The following FAM221B variants were observed in gnomAD, a reference collection of about 807,000 sequenced individuals.
The protein encoded by FAM221B is protein FAM221B.
Under a neutral mutation model 39.8 loss-of-function variants are expected in FAM221B, and 35 were observed. That is an observed-to-expected ratio of 0.88 (90% CI 0.67 to 1.17). The LOEUF is 1.17. FAM221B is among the 50% of genes most tolerant of loss of function. FAM221B has a pLI of 0.00. For synonymous variants in FAM221B, 158 were observed against 178.1 expected (o/e 0.89, Z 0.90); for missense variants, 479 against 503.1 (o/e 0.95, Z 0.46).
At chr9:35,821,346 A>T (rs1054671628) in intron 3 of FAM221B, 1 of 939,680 alleles carries the variant, frequency 1.1e-6, no homozygotes, top group Non-Finnish European at 1.5e-6. Flanking sequence ...GTTCCATAAC[A>T]TGAATAAGGA....
At chr9:35,818,791 C>T in intron 6 of FAM221B, 99 bp downstream of exon 6, 1 of 1,495,960 alleles carries the variant, frequency 6.7e-7, no homozygotes, top group South Asian at 1.3e-5. Flanking sequence ...AGGGAGCGCG[C>T]TAGTCCTGGA....
Position 35,818,458 on chromosome 9 carries a change from C to G in FAM221B, c.*11G>C. ...CAATGACTCCTCTTTTATTGCTGATCTGGGCCAGACTCACAAAGGCCTGTG... is the reference window on the plus strand; with the variant it reads ...CAATGACTCCTCTTTTATTGCTGATGTGGGCCAGACTCACAAAGGCCTGTG... On this transcript the variant is annotated 3_prime_UTR_variant, in exon 7 of 7. Coordinates refer to ENST00000423537, the MANE Select transcript of FAM221B (RefSeq NM_001012446.4). The G allele has an allele frequency of 7.1e-6, 11 of 1,551,710 alleles. No homozygotes were observed. Among genetic ancestry groups the G allele is most frequent in the Non-Finnish European group, 9.6e-6 (11 of 1,146,960 alleles).
At chr9:35,821,101 T>C (rs1028458412) in intron 3 of FAM221B, among the ~76,000 whole-genome samples, 1 of 152,242 alleles carries the variant, frequency 6.6e-6, no homozygotes, top group African/African-American at 2.4e-5. Flanking sequence ...CCTATTGCCA[T>C]CCATAGCTCC....
rs967746790 is a variant in FAM221B, at chr9:35,817,207, C to T, written c.*1262G>A. 3 of 152,200 alleles carry T rather than the reference C, an allele frequency of 2.0e-5. No individual in the cohort carries two copies. Among genetic ancestry groups the T allele is most frequent in the Non-Finnish European group, 4.4e-5 (3 of 68,062 alleles). 9.4% of individuals were successfully genotyped at this position (152,200 alleles called of 1,614,324 possible). A position where few individuals can be genotyped will look rare whatever the true frequency, so the allele number is the denominator to read the frequency against. On this transcript the variant is annotated 3_prime_UTR_variant, in exon 7 of 7. Coordinates refer to ENST00000423537, the MANE Select transcript of FAM221B (RefSeq NM_001012446.4). ...GAACCTATGGACTCCCTTGTGACTTCCCACATTCACTGATTTTGATCCTTG... is the reference window on the plus strand; with the variant it reads ...GAACCTATGGACTCCCTTGTGACTTTCCACATTCACTGATTTTGATCCTTG...
At position 35,817,450 on chromosome 9, in the gene FAM221B, A is replaced by T. The variant is rs770860960; in HGVS notation, c.*1019T>A. 6.6e-6 allele frequency: 1 copy of T among 152,148 alleles called. No homozygotes were observed. Among genetic ancestry groups the T allele is most frequent in the African/African-American group, 2.4e-5 (1 of 41,348 alleles). The allele number at this position is 152,148 out of a possible 1,614,324, so 9.4% of individuals were successfully genotyped here. ...CACTTTCTTTCCCTATTGGTGCTGTATGCTCCCTTCACATCCTCATGCCTT... is the reference window on the plus strand; with the variant it reads ...CACTTTCTTTCCCTATTGGTGCTGTTTGCTCCCTTCACATCCTCATGCCTT... On this transcript the variant is annotated 3_prime_UTR_variant, in exon 7 of 7. Coordinates refer to ENST00000423537, the MANE Select transcript of FAM221B (RefSeq NM_001012446.4).
chr9:35,824,287 T>C (rs1829236108), intron 3 of FAM221B, among the ~76,000 whole-genome samples: 2 of 152,190 alleles, frequency 1.3e-5, no homozygotes, highest in African/African-American at 4.8e-5. Context: ...GTAATCCCTA[T>C]AGACATGAAT....
intron 3 of FAM221B, among the ~76,000 whole-genome samples, chr9:35,820,295 G>C (rs893820119): frequency 1.7e-4 from 26 of 152,194 alleles, no homozygotes; most frequent in African/African-American, 6.3e-4. Context: ...GAAGATTATA[G>C]ATGAAATTTT....
rs1478633152 is a variant in FAM221B at position 35,816,634 on chromosome 9, AT to A, written c.*1834del. On this transcript the variant is annotated 3_prime_UTR_variant, in exon 7 of 7. Transcript: ENST00000423537. ...AGTAATCCTAACTCTATTGTTGACT[AT>A]TAGTTGAATTAGTTTTAGGTGAATG... 1.3e-5 allele frequency: 2 copies of A among 152,174 alleles called. No homozygotes were observed. Among genetic ancestry groups the A allele is most frequent in the Non-Finnish European group, 2.9e-5 (2 of 68,022 alleles). The allele number at this position is 152,174 out of a possible 1,614,324, so 9.4% of individuals were successfully genotyped here. A position where few individuals can be genotyped will look rare whatever the true frequency, so the allele number is the denominator to read the frequency against.
intron 3 of FAM221B, among the ~76,000 whole-genome samples, chr9:35,821,114 G>A (rs1008455117): frequency 3.9e-5 from 6 of 152,198 alleles, no homozygotes; most frequent in Non-Finnish European, 8.8e-5. Context: ...ATAGCTCCTT[G>A]TGCTACTCCT....
intron 3 of FAM221B, chr9:35,821,722 G>C: frequency 1.3e-6 from 1 of 783,274 alleles, no homozygotes; most frequent in Non-Finnish European, 1.9e-6. Flanking sequence ...CCAAGCACTA[G>C]TGTAGGAATC....
chr9:35,818,512 G>T lies in FAM221B; in HGVS notation c.1172-6C>A. 1 of 1,551,692 alleles carries T rather than the reference G, an allele frequency of 6.4e-7. No individual in the cohort carries two copies. Among genetic ancestry groups the T allele is most frequent in the Non-Finnish European group, 8.7e-7 (1 of 1,146,986 alleles). The stretch of plus-strand genomic sequence containing the variant: ...GTTGCTGACAGTGTCTGTCCCTGGA[G>T]GAAGAAAGAGCAGAGGTGAAAGGGT... On this transcript the variant is annotated splice_polypyrimidine_tract_variant and splice_region_variant and intron_variant, in intron 6 of 6. Transcript: ENST00000423537.
Position 35,825,563 on chromosome 9 carries a change from C to T in FAM221B, c.598+1G>A. ...AACTCCTTTCTTCTTCTTCTTCTTG[C>T]CTAGTTGGTGTCCAGGTTGGGCTGT... is the stretch of plus-strand genomic sequence containing the variant. On this transcript the variant is annotated splice_donor_variant, in intron 2 of 6. Transcript: ENST00000423537. LOFTEE classifies it high-confidence loss of function. This position sits in a 1 kb window ranked among gnomAD's most constrained non-coding sequence, Gnocchi z 4.2. The T allele has an allele frequency of 6.2e-7, 1 of 1,607,740 alleles. No homozygotes were observed. The highest frequency in any genetic ancestry group is 8.5e-7 in the Non-Finnish European group (1 of 1,176,706).
In FAM221B at chr9:35,818,323, TG is replaced by T; in HGVS notation, c.*145del. ...TGAATGTGAGTGTGATGGAGGCAGA[TG>T]GCCAGATCCAGGCTTTCTCCTGTGT... is the stretch of plus-strand genomic sequence containing the variant. On this transcript the variant is annotated 3_prime_UTR_variant, in exon 7 of 7. Transcript: ENST00000423537. 1.4e-6 allele frequency: 1 copy of T among 736,594 alleles called. No homozygotes were observed. The highest frequency in any genetic ancestry group is 2.3e-6 in the Non-Finnish European group (1 of 434,346). 45.6% of individuals were successfully genotyped at this position (736,594 alleles called of 1,614,324 possible). A position where few individuals can be genotyped will look rare whatever the true frequency, so the allele number is the denominator to read the frequency against.
Position 35,825,584 on chromosome 9 carries a change from G to T in FAM221B, c.578C>A (p.Ala193Asp). ...CTTGCCTAGTTGGTGTCCAGGTTGG[G>T]CTGTGTGAGCAGTGCTGTCACTGGC... Reference protein sequence around the residue: ...VDASDSTAHTAQPGHQLGNTA... With the variant: ...VDASDSTAHTDQPGHQLGNTA... Residue 193 changes from alanine (A) to aspartate (D), a missense_variant, in exon 2 of 7, where the codon GCC becomes GAC. By Grantham distance (126) the Ala-to-Asp change is moderately radical (BLOSUM62 -2). Coordinates refer to ENST00000423537, the MANE Select transcript of FAM221B (RefSeq NM_001012446.4). This position sits in a 1 kb window ranked among gnomAD's most constrained non-coding sequence, Gnocchi z 4.2. The T allele has an allele frequency of 6.2e-7, 1 of 1,612,618 alleles. No homozygotes were observed. The highest frequency in any genetic ancestry group is 8.5e-7 in the Non-Finnish European group (1 of 1,179,196).
chr9:35,824,830 T>A (rs1247639262), intron 3 of FAM221B, among the ~76,000 whole-genome samples: 1 of 151,970 alleles, frequency 6.6e-6, no homozygotes, highest in Non-Finnish European at 1.5e-5. Flanking sequence ...TACAGGCACC[T>A]GCCACCACGC....
Position 35,828,306 on chromosome 9 carries a change from A to ACAG in FAM221B, c.-1+156_-1+157insCTG, listed in dbSNP as rs1249584269. Among the ~76,000 whole-genome samples the ACAG allele has an allele frequency of 2.6e-5, 3 of 117,150 alleles. No individual in the cohort carries two copies. The highest frequency in any genetic ancestry group is 6.6e-5 in the African/African-American group (2 of 30,314). 76.9% of individuals were successfully genotyped at this position (117,150 alleles called of 152,430 possible). ...GACTCTGTCTCAAACAACAACAACAACAACAACAACAACAACAACAACAAC... is the reference window on the plus strand; with the variant it reads ...GACTCTGTCTCAAACAACAACAACAACAGCAACAACAACAACAACAACAACAAC... On this transcript the variant is annotated intron_variant, in intron 1 of 6. Coordinates refer to ENST00000423537, the MANE Select transcript of FAM221B (RefSeq NM_001012446.4). The surrounding 1 kb of genome is among the most constrained non-coding windows in gnomAD (Gnocchi z 4.5).
intron 1 of FAM221B, among the ~76,000 whole-genome samples, chr9:35,827,470 G>T (rs761776612): frequency 4.6e-5 from 7 of 152,186 alleles, no homozygotes; most frequent in Non-Finnish European, 1.0e-4. Context: ...GAGAGAGACC[G>T]ATTAACCAAC....
At chr9:35,823,392 T>C (rs1403122235) in intron 3 of FAM221B, among the ~76,000 whole-genome samples, 1 of 152,228 alleles carries the variant, frequency 6.6e-6, no homozygotes, top group African/African-American at 2.4e-5. Context: ...TGGTGCTCAA[T>C]AAATGTTTGT....
rs570919156 is a variant in FAM221B, at chr9:35,821,687, T to A, written c.743-1687A>T. The A allele has an allele frequency of 1.2e-5, 15 of 1,273,482 alleles. No individual in the cohort carries two copies. In the African/African-American group the frequency reaches 2.0e-4, roughly 17 times the overall value. 78.9% of individuals were successfully genotyped at this position (1,273,482 alleles called of 1,614,324 possible). A position where few individuals can be genotyped will look rare whatever the true frequency, so the allele number is the denominator to read the frequency against. On this transcript the variant is annotated intron_variant, in intron 3 of 6. Coordinates refer to ENST00000423537, the MANE Select transcript of FAM221B (RefSeq NM_001012446.4). The stretch of plus-strand genomic sequence containing the variant: ...GTGAGGCCCAAAGATCAAGGCCTGC[T>A]CGGAGGGCCGGGGGGCAGTCAAGTC...
Sources: allele counts gnomAD v4.1 joint callset (sites outside exome capture counted in the v4.1 genomes callset), GRCh38; gene constraint gnomAD v4.1.1; non-coding constraint Gnocchi (gnomAD v3.1); transcripts MANE v1.5; gene names NCBI Gene and HGNC (gene_info 2026-07-23, HGNC 2026-07-21).